Variants in DTNB observed in about 807,000 individuals in gnomAD.
DTNB encodes the protein DTN-B.
In DTNB, 63 loss-of-function variants were observed where a neutral mutation model predicts 90.7. The ratio of observed to expected loss-of-function variants is 0.69; its 90% CI spans 0.57 to 0.86. DTNB has a LOEUF of 0.86. DTNB is among the 40% of genes least tolerant of loss of function. The pLI is 0.00. For missense variants in DTNB, 744 were observed against 807.1 expected (o/e 0.92, Z 0.95); for synonymous variants, 277 against 286.7 (o/e 0.97, Z 0.34).
chr2:25,419,356 G>A (rs1299005853), intron 16 of DTNB, 159 bp downstream of exon 16: 1 of 1,125,450 alleles, frequency 8.9e-7, no homozygotes, highest in Non-Finnish European at 1.3e-6. Context: ...TGAACTTTTA[G>A]GCCATTTTAC....
At chr2:25,508,348 G>A (rs1424767853) in intron 9 of DTNB, among the ~76,000 whole-genome samples, 1 of 152,080 alleles carries the variant, frequency 6.6e-6, no homozygotes, top group Non-Finnish European at 1.5e-5. Flanking sequence ...TTCATTTCAT[G>A]ATAATTACTA....
At chr2:25,641,449 T>C (rs1346177422) in intron 2 of DTNB, among the ~76,000 whole-genome samples, 1 of 152,170 alleles carries the variant, frequency 6.6e-6, no homozygotes, top group African/African-American at 2.4e-5. Flanking sequence ...AAGGATATTT[T>C]ATTTTATTTT....
intron 9 of DTNB, among the ~76,000 whole-genome samples, chr2:25,514,823 G>C (rs1575279571): frequency 6.6e-6 from 1 of 150,520 alleles, no homozygotes; most frequent in Admixed American, 6.7e-5. Context: ...AGCTGGGATT[G>C]CAGGCCCCAC....
intron 9 of DTNB, among the ~76,000 whole-genome samples, chr2:25,518,952 T>C (rs1273969377): frequency 6.6e-6 from 1 of 152,152 alleles, no homozygotes. Context: ...CTAGGCTATA[T>C]ATACAGGAGA....
chr2:25,617,199 GCA>G (rs1212227707), intron 4 of DTNB, among the ~76,000 whole-genome samples: 8 of 152,168 alleles, frequency 5.3e-5, no homozygotes, highest in African/African-American at 1.9e-4. Context: ...CAGGGGATAT[GCA>G]CCAAAGTGTC....
intron 9 of DTNB, among the ~76,000 whole-genome samples, 160 bp from the exon 10 acceptor site, chr2:25,483,033 A>G (rs1179678752): frequency 1.3e-5 from 2 of 149,410 alleles, no homozygotes; most frequent in Non-Finnish European, 3.0e-5. Flanking sequence ...GGGGAGGCCC[A>G]TGGGGAGGTG....
At chr2:25,450,057 G>A (rs1468242946) in intron 12 of DTNB, among the ~76,000 whole-genome samples, 1 of 152,056 alleles carries the variant, frequency 6.6e-6, no homozygotes, top group Admixed American at 6.5e-5. Flanking sequence ...ATTTGATAGG[G>A]TCTAATTTAT....
intron 9 of DTNB, among the ~76,000 whole-genome samples, chr2:25,496,986 AAT>A (rs2069055632): frequency 6.6e-6 from 1 of 152,226 alleles, no homozygotes; most frequent in Non-Finnish European, 1.5e-5. Context: ...AAAGGCGAAG[AAT>A]AACTATTAAA....
At chr2:25,590,558 G>C (rs1338248974) in intron 6 of DTNB, among the ~76,000 whole-genome samples, 1 of 152,048 alleles carries the variant, frequency 6.6e-6, no homozygotes, top group African/African-American at 2.4e-5. Context: ...GAAGACCCTG[G>C]CAGGGTAGCT....
At chr2:25,515,132 T>C (rs1055888078) in intron 9 of DTNB, among the ~76,000 whole-genome samples, 1 of 151,650 alleles carries the variant, frequency 6.6e-6, no homozygotes, top group Non-Finnish European at 1.5e-5. Context: ...CAGGACTCAA[T>C]GCAAACACAG....
intron 10 of DTNB, among the ~76,000 whole-genome samples, chr2:25,470,777 CCTGA>C (rs770641081): frequency 3.9e-5 from 6 of 152,110 alleles, no homozygotes; most frequent in East Asian, 1.9e-4. Context: ...ACTCTAAATG[CCTGA>C]CTGAGACTCT....
intron 9 of DTNB, among the ~76,000 whole-genome samples, chr2:25,498,008 C>T (rs2069390785): frequency 6.6e-6 from 1 of 152,124 alleles, no homozygotes; most frequent in Non-Finnish European, 1.5e-5. Flanking sequence ...CTACTAGTCT[C>T]CCAAATTAGA....
chr2:25,544,511 C>G (rs2082024661), intron 8 of DTNB, among the ~76,000 whole-genome samples: 1 of 152,192 alleles, frequency 6.6e-6, no homozygotes, highest in Non-Finnish European at 1.5e-5. Flanking sequence ...ATTACTCTCT[C>G]TTTCTGAGCA....
chr2:25,504,296 G>GA (rs1287205722), intron 9 of DTNB, among the ~76,000 whole-genome samples: 1 of 147,914 alleles, frequency 6.8e-6, no homozygotes, highest in African/African-American at 2.5e-5. Context: ...AGGAAGGAAA[G>GA]AAAGAAGGAA....
intron 9 of DTNB, among the ~76,000 whole-genome samples, chr2:25,516,381 G>C (rs1299986023): frequency 1.4e-5 from 2 of 145,102 alleles, no homozygotes; most frequent in African/African-American, 2.9e-5. Context: ...TGAGTAGCTG[G>C]GACCACAGGC....
chr2:25,493,159 T>C (rs1219562529), intron 9 of DTNB, among the ~76,000 whole-genome samples: 1 of 152,212 alleles, frequency 6.6e-6, no homozygotes, highest in South Asian at 2.1e-4. Flanking sequence ...TGGGTGTCTG[T>C]TTATTACTAT....
intron 8 of DTNB, among the ~76,000 whole-genome samples, chr2:25,561,534 A>C (rs1217498889): frequency 6.6e-6 from 1 of 152,202 alleles, no homozygotes; most frequent in Non-Finnish European, 1.5e-5. Context: ...TCTCATGTTG[A>C]AATGTGATTC....
At chr2:25,574,217 C>T (rs1356955203) in intron 8 of DTNB, among the ~76,000 whole-genome samples, 1 of 152,236 alleles carries the variant, frequency 6.6e-6, no homozygotes, top group Non-Finnish European at 1.5e-5. Flanking sequence ...AAAACTTAAG[C>T]TCCACAGGGC....
chr2:25,459,361 G>T (rs2060573172), intron 10 of DTNB, among the ~76,000 whole-genome samples: 1 of 151,918 alleles, frequency 6.6e-6, no homozygotes. Flanking sequence ...GTGTCTTTAA[G>T]TTCAGTGTAA....
Sources: gnomAD v4.1 joint callset for allele counts (sites outside exome capture counted in the v4.1 genomes callset) on GRCh38, gnomAD v4.1.1 for gene constraint, MANE v1.5 for transcripts, NCBI Gene and HGNC (gene_info 2026-07-23, HGNC 2026-07-21) for gene names.